LCT: variants seen among roughly 807,000 people sequenced by gnomAD.
The protein encoded by LCT is lactase.
LCT carries 90 observed loss-of-function variants against 173.0 expected under a neutral mutation model. That is an observed-to-expected ratio of 0.52 (90% CI 0.44 to 0.62). LCT has a LOEUF of 0.62. Among genes scored for constraint, LCT ranks in the 20% least tolerant of loss-of-function variants. The probability of loss-of-function intolerance (pLI) is 0.00; values close to 1 mark genes in which losing one functional copy is unlikely to be tolerated. For synonymous variants in LCT, 853 were observed against 957.6 expected, an observed-to-expected ratio of 0.89 and a Z score of 2.02; for missense variants, 1,864 against 2,431.4, an observed-to-expected ratio of 0.77 and a Z score of 4.91.
At chr2:135,829,984 T>C (rs1378931493) in intron 2 of LCT, among the ~76,000 whole-genome samples, 2 of 151,538 alleles carry the variant, frequency 1.3e-5, no homozygotes, top group African/African-American at 2.4e-5. Context: ...CGTGAAGGAG[T>C]GTGTATGCCA....
intron 11 of LCT, among the ~76,000 whole-genome samples, chr2:135,802,782 T>C (rs2077637307): frequency 6.6e-6 from 1 of 152,136 alleles, no homozygotes; most frequent in African/African-American, 2.4e-5. Flanking sequence ...AAGATGAAGT[T>C]CTAGTGATGT....
chr2:135,836,012 ATATG>A (rs1391090489), intron 1 of LCT, among the ~76,000 whole-genome samples: 1,376 of 15,996 alleles, frequency 0.086, 103 homozygotes, highest in East Asian at 0.41. Flanking sequence ...ATATATATAT[ATATG>A]TATACATATT....
At chr2:135,795,754 T>C (rs1162347576) in intron 13 of LCT, among the ~76,000 whole-genome samples, 1 of 151,724 alleles carries the variant, frequency 6.6e-6, no homozygotes, top group Non-Finnish European at 1.5e-5. Context: ...CTTTTTTTTT[T>C]CCCAGACAGG....
intron 3 of LCT, among the ~76,000 whole-genome samples, chr2:135,829,174 G>A (rs910504611): frequency 8.6e-5 from 13 of 151,918 alleles, no homozygotes; most frequent in East Asian, 1.9e-4. Flanking sequence ...CTGGGCAACC[G>A]AGGAAGACTC....
At chr2:135,797,562 A>G (rs1043319430) in intron 13 of LCT, among the ~76,000 whole-genome samples, 2 of 152,206 alleles carry the variant, frequency 1.3e-5, no homozygotes, top group African/African-American at 4.8e-5. Flanking sequence ...AGAAATAAAG[A>G]TACCAACAGA....
chr2:135,788,598 A>G (rs2077510621), intron 16 of LCT, 54 bp from the exon 17 acceptor site: 1 of 1,121,270 alleles, frequency 8.9e-7, no homozygotes, highest in Admixed American at 1.7e-5. Flanking sequence ...TTGAGTTCTC[A>G]GATCTCTGAG....
In LCT at chr2:135,836,206, AC is replaced by A. The variant is rs200832647; in HGVS notation, c.640+323del. On this transcript the variant is annotated intron_variant, in intron 1 of 16. Coordinates refer to ENST00000264162, the MANE Select transcript of LCT (RefSeq NM_002299.4). The stretch of plus-strand genomic sequence containing the variant: ...GCTAATTTTGGTATTTTTAGTAGAG[AC>A]GGGGTTTTGCCATATTGGCCAGGCT... 0.01 allele frequency among the ~76,000 whole-genome samples: 1,562 copies of A among 151,600 alleles called. 91 individuals are homozygous for A. The East Asian group carries it at 0.18, about 18-fold the overall frequency.
chr2:135,804,643 A>C (rs1288783704), intron 10 of LCT, 124 bp downstream of exon 10: 1 of 983,470 alleles, frequency 1.0e-6, no homozygotes, highest in East Asian at 2.6e-5. Flanking sequence ...ACGTCTCAAA[A>C]ACAACAATAA....
At chr2:135,815,085 G>A (rs1260773661) in intron 6 of LCT, among the ~76,000 whole-genome samples, 1 of 152,158 alleles carries the variant, frequency 6.6e-6, no homozygotes. Flanking sequence ...AGGCCAGGAA[G>A]AGAGCCCTCA....
Position 135,836,604 on chromosome 2 carries a change from G to C in LCT, c.566C>G (p.Ala189Gly). The C allele has an allele frequency of 6.2e-7, 1 of 1,613,770 alleles. No homozygotes were observed. The highest frequency in any genetic ancestry group is 2.2e-5 in the East Asian group (1 of 44,866). The change falls in exon 1 of 17, where the codon GCG (alanine) becomes GGG (glycine). Residue 189 changes from alanine (A) to glycine (G), a missense_variant. Around this residue, in one of 4 missense-constraint regions of LCT, gnomAD observed 412 missense variants for 462.0 expected, o/e 0.89. Transcript: ENST00000264162. ...ATCACTGAGGGTCTGGAGTTGTGACGCTCTTGATTCCTGGTGGGGAAGCTC... is the reference window on the plus strand; with the variant it reads ...ATCACTGAGGGTCTGGAGTTGTGACCCTCTTGATTCCTGGTGGGGAAGCTC... ...IKELPHQESR[A>G]SQLQTLSDAH... is the part of the protein sequence containing the mutation.
intron 10 of LCT, 37 bp downstream of exon 10, chr2:135,804,730 G>A (rs1321887468): frequency 1.6e-5 from 25 of 1,600,686 alleles, no homozygotes; most frequent in Non-Finnish European, 1.9e-5. Flanking sequence ...GTTCCTGCAT[G>A]TGGACTTTCC....
intron 9 of LCT, among the ~76,000 whole-genome samples, chr2:135,805,930 A>G (rs1178509680): frequency 1.3e-5 from 2 of 152,148 alleles, no homozygotes; most frequent in Non-Finnish European, 2.9e-5. Flanking sequence ...TAATTCCAGC[A>G]CTTTGGGAGG....
chr2:135,832,209 T>C (rs1292284974), intron 2 of LCT, among the ~76,000 whole-genome samples: 3 of 149,328 alleles, frequency 2.0e-5, no homozygotes, highest in Non-Finnish European at 4.4e-5. Context: ...AGAATGAAAC[T>C]CCATCTCAAA....
In LCT at chr2:135,809,709, C is replaced by A. The variant is rs2077717291; in HGVS notation, c.2638G>T (p.Ala880Ser). 1 of 1,614,238 alleles carries A rather than the reference C, an allele frequency of 6.2e-7. No individual in the cohort carries two copies. Among genetic ancestry groups the A allele is most frequent in the Non-Finnish European group, 8.5e-7 (1 of 1,180,042 alleles). ...GAGAACTTTTCCCAAACGACTTTAGCCTTGGAGGGCACCTCAGATGGAAAA... is the reference window on the plus strand; with the variant it reads ...GAGAACTTTTCCCAAACGACTTTAGACTTGGAGGGCACCTCAGATGGAAAA... ...FTFPSEVPSKAKVVWEKFSSQ... is the reference protein window; with the variant it reads ...FTFPSEVPSKSKVVWEKFSSQ... The change falls in exon 8 of 17, where the codon GCT becomes TCT. Residue 880 changes from alanine to serine, a missense_variant. By Grantham distance (99) the Ala-to-Ser change is moderately conservative. Transcript: ENST00000264162. This position sits in a 1 kb window ranked among gnomAD's most constrained non-coding sequence, Gnocchi z 5.5.
chr2:135,813,375 T>A (rs2077751962), intron 6 of LCT, among the ~76,000 whole-genome samples: 2 of 151,874 alleles, frequency 1.3e-5, no homozygotes, highest in African/African-American at 4.8e-5. Flanking sequence ...CAATATCAAG[T>A]CAACAATGTC....
intron 6 of LCT, among the ~76,000 whole-genome samples, chr2:135,816,368 C>A (rs576125915): frequency 3.5e-4 from 54 of 152,232 alleles, no homozygotes; most frequent in African/African-American, 1.2e-3. Flanking sequence ...GGGTATGCGA[C>A]CCACTGAGAG....
Position 135,788,261 on chromosome 2 carries a change from G to T in LCT, c.*63C>A, listed in dbSNP as rs2077507312. 1.7e-6 allele frequency: 2 copies of T among 1,197,610 alleles called. No homozygotes were observed. The highest frequency in any genetic ancestry group is 1.7e-5 in the Admixed American group (1 of 59,512). 74.2% of individuals were successfully genotyped at this position (1,197,610 alleles called of 1,614,324 possible). ...CAGAGTCTAAGACCCTAAGGTGTTT[G>T]GTGGCCGGTAAACATAGATGAAGAA... On this transcript the variant is annotated 3_prime_UTR_variant, in exon 17 of 17. Transcript: ENST00000264162.
rs905356798 is a variant in LCT, at chr2:135,808,044, A to G, written c.3904+399T>C. ...AACAGAGCAAGACTCCATCTCAAAA[A>G]AAAAAAAGGAAGTTTGAATTAACAC... On this transcript the variant is annotated intron_variant, in intron 8 of 16. Transcript: ENST00000264162. Among the ~76,000 whole-genome samples, 32 of 152,148 alleles carry G rather than the reference A, an allele frequency of 2.1e-4. 1 individual carries two copies. Among genetic ancestry groups the G allele is most frequent in the Non-Finnish European group, 4.0e-4 (27 of 68,022 alleles).
intron 11 of LCT, 58 bp downstream of exon 11, chr2:135,803,872 C>G: frequency 6.7e-7 from 1 of 1,503,470 alleles, no homozygotes; most frequent in East Asian, 2.3e-5. Flanking sequence ...GATTTCAACT[C>G]TTGATGTGCT....
Sources: allele counts gnomAD v4.1 joint callset (sites outside exome capture counted in the v4.1 genomes callset), GRCh38; gene constraint gnomAD v4.1.1; regional missense constraint gnomAD v4.1.1; non-coding constraint Gnocchi (gnomAD v3.1); transcripts MANE v1.5; gene names NCBI Gene and HGNC (gene_info 2026-07-23, HGNC 2026-07-21).